Variants in PIK3C2G observed in about 807,000 individuals in gnomAD.
PIK3C2G encodes the protein phosphatidylinositol 3-kinase C2 domain-containing subunit gamma.
Under a neutral mutation model 181.1 loss-of-function variants are expected in PIK3C2G, and 168 were observed. That is an observed-to-expected ratio of 0.93 (90% CI 0.82 to 1.05). The LOEUF is 1.05. PIK3C2G is among the 50% of genes least tolerant of loss of function. The probability of loss-of-function intolerance (pLI) is 0.00; values close to 1 mark genes in which losing one functional copy is unlikely to be tolerated. For synonymous variants in PIK3C2G, 573 were observed against 592.2 expected, an observed-to-expected ratio of 0.97 and a Z score of 0.47; for missense variants, 1,869 against 1,732.8, an observed-to-expected ratio of 1.08 and a Z score of -1.40.
chr12:18,400,653 A>C, intron 16 of PIK3C2G, among the ~76,000 whole-genome samples: 1 of 152,056 alleles, frequency 6.6e-6, no homozygotes, highest in South Asian at 2.1e-4. Context: ...CTGACTTTTA[A>C]AGATTTATTT....
chr12:18,479,142 CAT>C (rs1315334245), intron 18 of PIK3C2G, among the ~76,000 whole-genome samples: 3 of 151,452 alleles, frequency 2.0e-5, no homozygotes, highest in Non-Finnish European at 2.9e-5. Context: ...TACATACATA[CAT>C]ATACACACAC....
At chr12:18,596,710 T>C (rs1947383351) in intron 30 of PIK3C2G, among the ~76,000 whole-genome samples, 1 of 152,110 alleles carries the variant, frequency 6.6e-6, no homozygotes, top group Non-Finnish European at 1.5e-5. Flanking sequence ...CTCGTATCAC[T>C]ACCTCCCATT....
chr12:18,563,250 C>G (rs1945441943), intron 27 of PIK3C2G, 127 bp from the exon 28 acceptor site: 6 of 823,622 alleles, frequency 7.3e-6, no homozygotes, highest in Non-Finnish European at 1.1e-5. Context: ...AAATGCATCT[C>G]CTAGCTTTTA....
intron 29 of PIK3C2G, among the ~76,000 whole-genome samples, chr12:18,581,841 C>T (rs1282838245): frequency 6.6e-6 from 1 of 152,118 alleles, no homozygotes; most frequent in African/African-American, 2.4e-5. Context: ...GAAAAAGAAG[C>T]AGTCTGAGGA....
chr12:18,413,767 GT>G, intron 16 of PIK3C2G, among the ~76,000 whole-genome samples: 1 of 152,214 alleles, frequency 6.6e-6, no homozygotes, highest in South Asian at 2.1e-4. Flanking sequence ...GGAATTATAT[GT>G]GCATTTTTCA....
intron 24 of PIK3C2G, among the ~76,000 whole-genome samples, chr12:18,509,417 G>C (rs1195143847): frequency 6.6e-6 from 1 of 152,190 alleles, no homozygotes; most frequent in Non-Finnish European, 1.5e-5. Context: ...GGTGATATAA[G>C]AAGGATCTTG....
At chr12:18,649,175 C>T (rs1261837023), downstream of PIK3C2G, among the ~76,000 whole-genome samples, 1 of 150,518 alleles carries the variant, frequency 6.6e-6, no homozygotes, top group African/African-American at 2.5e-5. Flanking sequence ...AGCAACTCCT[C>T]CCCTAATCCT....
chr12:18,342,591 G>A (rs997445036), intron 9 of PIK3C2G, among the ~76,000 whole-genome samples: 8 of 151,300 alleles, frequency 5.3e-5, no homozygotes, highest in Admixed American at 4.0e-4. Context: ...TTCCTTTTGG[G>A]CTGAAACCAT....
At chr12:18,431,973 G>A (rs987152801) in intron 18 of PIK3C2G, among the ~76,000 whole-genome samples, 2 of 152,080 alleles carry the variant, frequency 1.3e-5, no homozygotes, top group African/African-American at 4.8e-5. Context: ...TGGTAACAAG[G>A]TTTCCTTTGT....
At chr12:18,653,943 G>T in the PIK3C2G span, among the ~76,000 whole-genome samples, 320 of 152,068 alleles carry the variant, frequency 2.1e-3, no homozygotes, top group African/African-American at 7.3e-3. Flanking sequence ...CAGCCTTCTG[G>T]CTCCATGATT....
chr12:18,474,646 T>C (rs1229202445), intron 18 of PIK3C2G, among the ~76,000 whole-genome samples: 1 of 152,042 alleles, frequency 6.6e-6, no homozygotes, highest in Non-Finnish European at 1.5e-5. Context: ...GAAAAAAAGT[T>C]AAAGTAAAGC....
intron 5 of PIK3C2G, among the ~76,000 whole-genome samples, chr12:18,298,430 G>A (rs1555151570): frequency 6.9e-6 from 1 of 143,900 alleles, no homozygotes; most frequent in Non-Finnish European, 1.5e-5. Flanking sequence ...TTGCTGTTGA[G>A]TTTCTTTTAT....
At chr12:18,712,185 G>A in the PIK3C2G span, among the ~76,000 whole-genome samples, 1 of 152,012 alleles carries the variant, frequency 6.6e-6, no homozygotes, top group African/African-American at 2.4e-5. Context: ...AGTGTGTTAA[G>A]TTTACAAAAA....
chr12:18,672,373 A>G, the PIK3C2G span, among the ~76,000 whole-genome samples: 1 of 152,096 alleles, frequency 6.6e-6, no homozygotes, highest in African/African-American at 2.4e-5. Flanking sequence ...GTTTACTTTT[A>G]CTCATTATGT....
At chr12:18,701,593 A>G in the PIK3C2G span, 2 of 1,606,168 alleles carry the variant, frequency 1.2e-6, no homozygotes, top group East Asian at 4.5e-5. Context: ...AATACTTCTG[A>G]TTCTTTGAAT....
intron 29 of PIK3C2G, among the ~76,000 whole-genome samples, chr12:18,572,250 T>A (rs1471116791): frequency 6.7e-6 from 1 of 148,970 alleles, no homozygotes; most frequent in Non-Finnish European, 1.5e-5. Context: ...TTCAGGGATA[T>A]TTTTGCTGAC....
At chr12:18,632,171 A>G in intron 31 of PIK3C2G, among the ~76,000 whole-genome samples, 1 of 152,172 alleles carries the variant, frequency 6.6e-6, no homozygotes, top group East Asian at 1.9e-4. Flanking sequence ...TAGTGCCAAG[A>G]CTAAGAAACC....
chr12:18,270,712 T>G (rs1948711972), intron 1 of PIK3C2G, among the ~76,000 whole-genome samples: 2 of 152,294 alleles, frequency 1.3e-5, no homozygotes, highest in South Asian at 4.1e-4. Context: ...TTTATAAATA[T>G]AAATCCTCTT....
the PIK3C2G span, among the ~76,000 whole-genome samples, chr12:18,712,199 C>A: frequency 6.6e-6 from 1 of 152,012 alleles, no homozygotes; most frequent in South Asian, 2.1e-4. Context: ...ACAAAAACAA[C>A]ACAATGTCTG....
Sources: allele counts gnomAD v4.1 joint callset (sites outside exome capture counted in the v4.1 genomes callset), GRCh38; gene constraint gnomAD v4.1.1; transcripts MANE v1.5; gene names NCBI Gene and HGNC (gene_info 2026-07-23, HGNC 2026-07-21).